Variants in EFCAB11 observed in about 807,000 individuals in gnomAD.
The protein encoded by EFCAB11 is EF-hand calcium-binding domain-containing protein 11.
EFCAB11 carries 14 observed loss-of-function variants against 23.0 expected under a neutral mutation model. The observed-to-expected ratio is 0.61, with a 90% CI of 0.40 to 0.95. The LOEUF is 0.95. Among genes scored for constraint, EFCAB11 ranks in the 40% least tolerant of loss-of-function variants. The pLI is 0.00. For missense variants in EFCAB11, 198 were observed against 195.8 expected, an observed-to-expected ratio of 1.01 and a Z score of -0.07; for synonymous variants, 65 against 66.6, an observed-to-expected ratio of 0.98 and a Z score of 0.11.
At chr14:89,951,129 T>C (rs1456649550) in intron 2 of EFCAB11, among the ~76,000 whole-genome samples, 1 of 152,120 alleles carries the variant, frequency 6.6e-6, no homozygotes, top group Non-Finnish European at 1.5e-5. Context: ...ATAACCTCAA[T>C]AGCCAGCATA....
At chr14:89,936,200 C>G (rs1316904526) in intron 3 of EFCAB11, among the ~76,000 whole-genome samples, 2 of 152,086 alleles carry the variant, frequency 1.3e-5, no homozygotes, top group Non-Finnish European at 2.9e-5. Flanking sequence ...AATATTTGCT[C>G]TTATCATTGC....
chr14:89,844,539 A>T (rs980150474), intron 5 of EFCAB11, among the ~76,000 whole-genome samples: 2 of 152,226 alleles, frequency 1.3e-5, no homozygotes, highest in African/African-American at 4.8e-5. Flanking sequence ...AATATAAGGA[A>T]GGCCATCACC....
intron 5 of EFCAB11, among the ~76,000 whole-genome samples, chr14:89,823,931 TC>T (rs1886606178): frequency 6.6e-6 from 1 of 152,118 alleles, no homozygotes; most frequent in African/African-American, 2.4e-5. Flanking sequence ...GAAAAGAGCA[TC>T]AGTGACTTGT....
At chr14:89,953,821 T>A in intron 2 of EFCAB11, 85 bp downstream of exon 2, 1 of 1,143,658 alleles carries the variant, frequency 8.7e-7, no homozygotes, top group East Asian at 2.4e-5. Flanking sequence ...TTTATAAACA[T>A]CCTAAGCTAG....
At chr14:89,855,544 C>T (rs998772733) in intron 5 of EFCAB11, among the ~76,000 whole-genome samples, 13 of 151,984 alleles carry the variant, frequency 8.6e-5, no homozygotes, top group Non-Finnish European at 1.5e-4. Flanking sequence ...GGATACATAC[C>T]GATAGGAAAA....
chr14:89,933,931 T>C (rs904827202), intron 3 of EFCAB11, among the ~76,000 whole-genome samples: 1 of 152,140 alleles, frequency 6.6e-6, no homozygotes, highest in Non-Finnish European at 1.5e-5. Flanking sequence ...AACTGCCTAA[T>C]GTTGGGAAGA....
intron 5 of EFCAB11, among the ~76,000 whole-genome samples, chr14:89,854,326 G>A (rs1202696247): frequency 6.6e-6 from 1 of 152,102 alleles, no homozygotes; most frequent in African/African-American, 2.4e-5. Context: ...TGGGCAGAGA[G>A]AGGTGCCCGC....
At position 89,919,443 on chromosome 14, in the gene EFCAB11, A is replaced by G. The variant is rs145150235; in HGVS notation, c.410+12098T>C. Among the ~76,000 whole-genome samples, 210 of 152,294 alleles carry G rather than the reference A, an allele frequency of 1.4e-3. 1 individual carries two copies. Among genetic ancestry groups the G allele is most frequent in the Non-Finnish European group, 2.2e-3 (149 of 68,022 alleles). On this transcript the variant is annotated intron_variant, in intron 5 of 5. Transcript: ENST00000316738. ...ATAAGGAGGAAAAAGTGGTGTCAACATTGATTCTTGGGCTTAATGGTAGCT... is the reference window on the plus strand; with the variant it reads ...ATAAGGAGGAAAAAGTGGTGTCAACGTTGATTCTTGGGCTTAATGGTAGCT...
rs539438963 is a variant in EFCAB11 at position 89,825,596 on chromosome 14, G to C, written c.411-28272C>G. Among the ~76,000 whole-genome samples, 17 of 152,052 alleles carry C rather than the reference G, an allele frequency of 1.1e-4. No individual in the cohort carries two copies. The South Asian group carries it at 3.3e-3, about 30-fold the overall frequency. Reference sequence around the variant, plus strand: ...CCCTGAGCTAGACTGATGGGGGAGGGGAGAAGAAAACCCACAAATCACCTA... The same window carrying C: ...CCCTGAGCTAGACTGATGGGGGAGGCGAGAAGAAAACCCACAAATCACCTA... On this transcript the variant is annotated intron_variant, in intron 5 of 5. Transcript: ENST00000316738.
chr14:89,945,930 T>A lies in EFCAB11; in HGVS notation c.217+4167A>T, dbSNP rs559686684. 1.6e-3 allele frequency among the ~76,000 whole-genome samples: 239 copies of A among 151,636 alleles called. 2 individuals are homozygous for A. Among genetic ancestry groups the A allele is most frequent in the African/African-American group, 5.4e-3 (222 of 41,286 alleles). On this transcript the variant is annotated intron_variant, in intron 3 of 5. Coordinates refer to ENST00000316738, the MANE Select transcript of EFCAB11 (RefSeq NM_145231.4). ...TTAGGGGATTTTTTTTTTTTATTTT[T>A]TTTTTTGAGACAGAGTCTTGCTCTG... is the stretch of plus-strand genomic sequence containing the variant.
At chr14:89,894,303 G>T (rs1179705493) in intron 5 of EFCAB11, among the ~76,000 whole-genome samples, 3 of 151,780 alleles carry the variant, frequency 2.0e-5, no homozygotes, top group African/African-American at 4.8e-5. Context: ...GAACGTGCAG[G>T]TTTGTTACAT....
At chr14:89,882,725 G>C (rs1456358053) in intron 5 of EFCAB11, among the ~76,000 whole-genome samples, 2 of 152,162 alleles carry the variant, frequency 1.3e-5, no homozygotes, top group African/African-American at 4.8e-5. Context: ...CTGTGGCTCA[G>C]TTACATATAA....
Position 89,943,793 on chromosome 14 carries a change from T to C in EFCAB11, c.217+6304A>G, listed in dbSNP as rs548192756. Among the ~76,000 whole-genome samples the C allele has an allele frequency of 7.9e-5, 12 of 152,290 alleles. 1 individual carries two copies. The highest frequency in any genetic ancestry group is 2.9e-4 in the African/African-American group (12 of 41,548). On this transcript the variant is annotated intron_variant, in intron 3 of 5. Coordinates refer to ENST00000316738, the MANE Select transcript of EFCAB11 (RefSeq NM_145231.4). ...TCTTGCTAGGCTATTTTACTCCTTTTCTTGAATGTTTGTGGTCTTGAGTTT... is the reference window on the plus strand; with the variant it reads ...TCTTGCTAGGCTATTTTACTCCTTTCCTTGAATGTTTGTGGTCTTGAGTTT...
intron 5 of EFCAB11, among the ~76,000 whole-genome samples, chr14:89,874,252 G>A (rs530625754): frequency 1.3e-5 from 2 of 152,304 alleles, no homozygotes; most frequent in East Asian, 3.9e-4. Flanking sequence ...CAGATGGGAT[G>A]CAGGGCACCA....
chr14:89,831,566 T>G (rs1032578638), intron 5 of EFCAB11, among the ~76,000 whole-genome samples: 2 of 152,226 alleles, frequency 1.3e-5, no homozygotes, highest in Non-Finnish European at 2.9e-5. Flanking sequence ...ATAGTCTATG[T>G]ATGTATGTGC....
intron 5 of EFCAB11, among the ~76,000 whole-genome samples, chr14:89,893,701 AT>A (rs1434074497): frequency 3.3e-5 from 5 of 151,326 alleles, no homozygotes; most frequent in Non-Finnish European, 7.4e-5. Context: ...CCCCTGCCCA[AT>A]CCTGCTTCCT....
chr14:89,870,803 T>TG (rs1888244025), intron 5 of EFCAB11, among the ~76,000 whole-genome samples: 3 of 142,976 alleles, frequency 2.1e-5, no homozygotes, highest in Non-Finnish European at 4.5e-5. Context: ...TAGCCAGGCA[T>TG]GGTGGTGGGC....
intron 5 of EFCAB11, among the ~76,000 whole-genome samples, chr14:89,913,956 T>C (rs1404742461): frequency 6.6e-6 from 1 of 152,178 alleles, no homozygotes; most frequent in Non-Finnish European, 1.5e-5. Flanking sequence ...GAATTCATCT[T>C]TGTATGCCGG....
In EFCAB11 at chr14:89,921,884, TTTCTC is replaced by T. The variant is rs574922520; in HGVS notation, c.410+9652_410+9656del. 5.4e-3 allele frequency among the ~76,000 whole-genome samples: 817 copies of T among 152,344 alleles called. 4 individuals carry two copies. Among genetic ancestry groups the T allele is most frequent in the Non-Finnish European group, 8.4e-3 (574 of 68,028 alleles). ...AAATGTGTATTTTATTAAATACAGA[TTTCTC>T]TTATTTTATAAATATGACATTCAAT... On this transcript the variant is annotated intron_variant, in intron 5 of 5. Transcript: ENST00000316738.
Sources: gnomAD v4.1 joint callset for allele counts (sites outside exome capture counted in the v4.1 genomes callset) on GRCh38, gnomAD v4.1.1 for gene constraint, MANE v1.5 for transcripts, NCBI Gene and HGNC (gene_info 2026-07-23, HGNC 2026-07-21) for gene names.